The following NCKAP5 variants were observed in gnomAD, a reference collection of about 807,000 sequenced individuals.
The protein encoded by NCKAP5 is NCK associated protein 5, also known as nck-associated protein 5.
A neutral mutation model predicts 167.0 loss-of-function variants in NCKAP5; 92 were observed. The observed-to-expected ratio is 0.55, with a 90% confidence interval of 0.47 to 0.66. NCKAP5 has a LOEUF of 0.66. NCKAP5 is among the 30% of genes least tolerant of loss of function. The pLI, the probability that NCKAP5 is intolerant of heterozygous loss-of-function variation, is 0.00. For synonymous variants in NCKAP5, 891 were observed against 877.4 expected, an observed-to-expected ratio of 1.02 and a Z score of -0.27; for missense variants, 2,378 against 2,315.0, an observed-to-expected ratio of 1.03 and a Z score of -0.56.
intron 6 of NCKAP5, among the ~76,000 whole-genome samples, chr2:133,105,185 T>C (rs1008330142): frequency 8.5e-5 from 13 of 152,250 alleles, no homozygotes; most frequent in Non-Finnish European, 1.6e-4. Context: ...ACACCTAAAA[T>C]ATACTTATTT....
intron 6 of NCKAP5, among the ~76,000 whole-genome samples, chr2:133,104,152 A>G (rs2081607722): frequency 6.6e-6 from 1 of 152,146 alleles, no homozygotes; most frequent in Admixed American, 6.6e-5. Flanking sequence ...TAAAAAAAAA[A>G]AGTATAAGGA....
intron 13 of NCKAP5, among the ~76,000 whole-genome samples, chr2:132,786,339 G>A (rs1317815102): frequency 2.0e-5 from 3 of 152,122 alleles, no homozygotes; most frequent in Admixed American, 6.5e-5. Context: ...TAAGTTGGTT[G>A]ATATCTTTAT....
At chr2:133,399,642 G>A (rs1687974921) in intron 3 of NCKAP5, among the ~76,000 whole-genome samples, 1 of 152,156 alleles carries the variant, frequency 6.6e-6, no homozygotes, top group Non-Finnish European at 1.5e-5. Context: ...AAAAGGGACA[G>A]TGTGAAACCT....
intron 6 of NCKAP5, among the ~76,000 whole-genome samples, chr2:133,102,410 G>A (rs529244608): frequency 6.6e-6 from 1 of 152,188 alleles, no homozygotes; most frequent in East Asian, 1.9e-4. Flanking sequence ...GCCTCCCCAA[G>A]TGCTGGGATT....
At chr2:133,346,955 G>C (rs1255496438) in intron 3 of NCKAP5, among the ~76,000 whole-genome samples, 1 of 152,242 alleles carries the variant, frequency 6.6e-6, no homozygotes, top group East Asian at 1.9e-4. Context: ...GTTGAGGACT[G>C]AGTGTTGTAG....
At chr2:133,403,654 G>T (rs1688239034) in intron 3 of NCKAP5, among the ~76,000 whole-genome samples, 1 of 152,140 alleles carries the variant, frequency 6.6e-6, no homozygotes, top group Non-Finnish European at 1.5e-5. Context: ...TAGTTACTGT[G>T]GCCCTTCCTG....
chr2:133,608,912 C>G, the NCKAP5 span, among the ~76,000 whole-genome samples: 1 of 152,320 alleles, frequency 6.6e-6, no homozygotes, highest in East Asian at 1.9e-4. Flanking sequence ...GGTCCCAGAC[C>G]AACCACACTG....
chr2:133,568,891 G>A (rs944883310), upstream of NCKAP5, among the ~76,000 whole-genome samples: 26 of 152,054 alleles, frequency 1.7e-4, no homozygotes, highest in Non-Finnish European at 3.1e-4. Context: ...ACACCTGGCC[G>A]ACATTTTTCC....
intron 5 of NCKAP5, among the ~76,000 whole-genome samples, chr2:133,167,507 G>C (rs1288021650): frequency 1.3e-5 from 2 of 152,166 alleles, no homozygotes; most frequent in Admixed American, 1.3e-4. Flanking sequence ...AGATAGGAAA[G>C]AAAGCTTCTT....
At chr2:132,872,800 T>C (rs1286038725) in intron 9 of NCKAP5, among the ~76,000 whole-genome samples, 1 of 152,244 alleles carries the variant, frequency 6.6e-6, no homozygotes, top group Admixed American at 6.5e-5. Flanking sequence ...TCTTGGTTGA[T>C]TGTACTGAGG....
At chr2:132,767,019 C>T (rs1681558444) in intron 16 of NCKAP5, among the ~76,000 whole-genome samples, 1 of 152,160 alleles carries the variant, frequency 6.6e-6, no homozygotes, top group South Asian at 2.1e-4. Flanking sequence ...TCCAAACCTC[C>T]TCTGTTTGGC....
chr2:133,190,196 G>A lies in NCKAP5; in HGVS notation c.207+23520C>T, dbSNP rs1330417089. Among the ~76,000 whole-genome samples the A allele has an allele frequency of 1.6e-4, 24 of 152,056 alleles. No homozygotes were observed. In the East Asian group the frequency reaches 3.1e-3, roughly 20 times the overall value. ...ACAATTGCTTCAAAGAGAATAAAAT[G>A]CCTAGGAATCCAACTTACAAGGGAC... On this transcript the variant is annotated intron_variant, in intron 5 of 19. Transcript: ENST00000409261.
chr2:133,481,499 G>C (rs1260298416), intron 3 of NCKAP5, among the ~76,000 whole-genome samples: 2 of 152,064 alleles, frequency 1.3e-5, no homozygotes, highest in African/African-American at 4.8e-5. Flanking sequence ...TTGTGTCATG[G>C]GGGTTTGTTG....
intron 3 of NCKAP5, among the ~76,000 whole-genome samples, chr2:133,327,073 A>G (rs920028186): frequency 6.6e-6 from 1 of 152,214 alleles, no homozygotes; most frequent in African/African-American, 2.4e-5. Flanking sequence ...TCTGGGCACA[A>G]CTTCAAACCC....
intron 6 of NCKAP5, among the ~76,000 whole-genome samples, chr2:133,129,529 T>C (rs1397399674): frequency 1.3e-5 from 2 of 152,232 alleles, no homozygotes; most frequent in African/African-American, 4.8e-5. Flanking sequence ...AAGTCTTTGC[T>C]ATTGTGAATA....
chr2:133,490,297 G>A (rs1002657002), intron 3 of NCKAP5, among the ~76,000 whole-genome samples: 4 of 152,114 alleles, frequency 2.6e-5, no homozygotes, highest in Non-Finnish European at 5.9e-5. Flanking sequence ...TAGTTACGGC[G>A]ATGCTAGTTT....
chr2:132,977,495 G>A (rs1450923584), intron 7 of NCKAP5, among the ~76,000 whole-genome samples: 2 of 152,034 alleles, frequency 1.3e-5, no homozygotes, highest in East Asian at 3.9e-4. Context: ...GCCATAAATA[G>A]TTGTCTTCCC....
intron 6 of NCKAP5, among the ~76,000 whole-genome samples, chr2:133,013,289 C>A (rs1309148211): frequency 6.6e-6 from 1 of 152,204 alleles, no homozygotes; most frequent in African/African-American, 2.4e-5. Flanking sequence ...CTCACAGCAG[C>A]TCCACACATT....
chr2:133,211,517 G>A (rs1188376763), intron 5 of NCKAP5, among the ~76,000 whole-genome samples: 3 of 152,022 alleles, frequency 2.0e-5, no homozygotes, highest in Non-Finnish European at 4.4e-5. Context: ...ATTTTAAATG[G>A]TGAGCTCCTA....
Sources: gnomAD v4.1 joint callset for allele counts (sites outside exome capture counted in the v4.1 genomes callset) on GRCh38, gnomAD v4.1.1 for gene constraint, MANE v1.5 for transcripts, NCBI Gene and HGNC (gene_info 2026-07-23, HGNC 2026-07-21) for gene names.